Variants in ZAN observed in about 807,000 individuals in gnomAD.
ZAN encodes the protein zonadhesin (gene/pseudogene).
In ZAN, 260 loss-of-function variants were observed where a neutral mutation model predicts 286.2. The ratio of observed to expected loss-of-function variants is 0.91; its 90% CI spans 0.82 to 1.01. The LOEUF is 1.01. Among genes scored for constraint, ZAN ranks in the 50% least tolerant of loss-of-function variants. ZAN has a pLI of 0.00. For synonymous variants in ZAN, 1,368 were observed against 1,417.5 expected (o/e 0.97, Z 0.79); for missense variants, 3,410 against 3,639.2 (o/e 0.94, Z 1.62).
At chr7:100,740,653 A>C (rs1807670866) in intron 7 of ZAN, among the ~76,000 whole-genome samples, 1 of 12,142 alleles carries the variant, frequency 8.2e-5, no homozygotes, top group African/African-American at 4.6e-4. Flanking sequence ...AAGGCAGAGG[A>C]ATTTTTCTTA....
chr7:100,756,958 G>C lies in ZAN; in HGVS notation c.3310-1244G>C, dbSNP rs535341428. 2.0e-5 allele frequency among the ~76,000 whole-genome samples: 3 copies of C among 152,158 alleles called. No homozygotes were observed. The East Asian group carries it at 5.8e-4, about 29-fold the overall frequency. ...TAATTTTGTATTTTTGGTAGAGATG[G>C]GGTTTCTTCATGTTAGTAAGGCTGG... On this transcript the variant is annotated intron_variant, in intron 15 of 47. Coordinates refer to ENST00000613979, the MANE Select transcript of ZAN (RefSeq NM_003386.3).
In ZAN at chr7:100,791,176, C is replaced by A; in HGVS notation, c.7529+63C>A. ...CAACAATGTCTGTGCACGGTGGCCGCTAGCCCTCCTGTCCTCAGGAGAGGA... is the reference window on the plus strand; with the variant it reads ...CAACAATGTCTGTGCACGGTGGCCGATAGCCCTCCTGTCCTCAGGAGAGGA... On this transcript the variant is annotated intron_variant, in intron 40 of 47. Coordinates refer to ENST00000613979, the MANE Select transcript of ZAN (RefSeq NM_003386.3). The A allele has an allele frequency of 4.5e-6, 7 of 1,548,354 alleles. 1 individual carries two copies. The highest frequency in any genetic ancestry group is 2.4e-5 in the South Asian group (2 of 84,348).
intron 35 of ZAN, among the ~76,000 whole-genome samples, chr7:100,781,842 A>G (rs1338849474): frequency 6.6e-6 from 1 of 151,556 alleles, no homozygotes; most frequent in Non-Finnish European, 1.5e-5. Context: ...GTTTCACCAT[A>G]TTGGCCAGGC....
chr7:100,749,501 A>C (rs191882269), intron 11 of ZAN, among the ~76,000 whole-genome samples: 8 of 141,132 alleles, frequency 5.7e-5, no homozygotes, highest in Non-Finnish European at 1.1e-4. Context: ...TTAGCCAGGC[A>C]TGGTGGTGGG....
In ZAN at chr7:100,773,856, C is replaced by T. The variant is rs544274988; in HGVS notation, c.5770C>T (p.Arg1924Trp). ...CWALDGLLHC[R>W]ASGVGVCQLP... The stretch of plus-strand genomic sequence containing the variant: ...GGCCCTGGATGGGCTGCTCCATTGT[C>T]GGGCCTCAGGTAGGAGGACCACGGT... The change falls in exon 31 of 48, where the codon CGG becomes TGG. Residue 1924 changes from arginine to tryptophan, a missense_variant. By Grantham distance (101) the Arg-to-Trp change is moderately radical. Transcript: ENST00000613979. 6.3e-5 allele frequency: 88 copies of T among 1,386,172 alleles called. No homozygotes were observed. Among genetic ancestry groups the T allele is most frequent in the African/African-American group, 2.1e-4 (15 of 69,796 alleles). The allele number at this position is 1,386,172 out of a possible 1,614,324, so 85.9% of individuals were successfully genotyped here.
At chr7:100,786,628 C>T (rs1011035467) in intron 37 of ZAN, among the ~76,000 whole-genome samples, 8 of 152,148 alleles carry the variant, frequency 5.3e-5, no homozygotes, top group African/African-American at 1.9e-4. Flanking sequence ...CCAAGATGGG[C>T]TTGAACTCAT....
At position 100,766,643 on chromosome 7, in the gene ZAN, G is replaced by C. The variant is rs763473491; in HGVS notation, c.4589G>C (p.Gly1530Ala). 1 of 1,566,958 alleles carries C rather than the reference G, an allele frequency of 6.4e-7. No homozygotes were observed. Among genetic ancestry groups the C allele is most frequent in the African/African-American group, 1.4e-5 (1 of 73,790 alleles). The change falls in exon 24 of 48, where the codon GGT (glycine) becomes GCT (alanine). Residue 1530 changes from glycine to alanine, a missense_variant. Coordinates refer to ENST00000613979, the MANE Select transcript of ZAN (RefSeq NM_003386.3). ...RAQEFCGQQD[G>A]IYGCHAQGAA... ...CAGGAGTTCTGTGGCCAACAGGATG[G>C]TATCTATGGCTGCCATGCCCAAGGT...
chr7:100,737,245 C>A lies in ZAN; in HGVS notation c.526-17C>A. Reference sequence around the variant, plus strand: ...CTGAGGGGCTCATGGGGTTGGGGTCCCCTTATCCTCTTGCAGCTGATGTTT... The same window carrying A: ...CTGAGGGGCTCATGGGGTTGGGGTCACCTTATCCTCTTGCAGCTGATGTTT... On this transcript the variant is annotated splice_polypyrimidine_tract_variant and intron_variant, in intron 5 of 47. Transcript: ENST00000613979. The A allele has an allele frequency of 6.8e-7, 1 of 1,463,106 alleles. No individual in the cohort carries two copies. The highest frequency in any genetic ancestry group is 9.3e-7 in the Non-Finnish European group (1 of 1,072,238). 90.6% of individuals were successfully genotyped at this position (1,463,106 alleles called of 1,614,324 possible).
At chr7:100,738,868 T>C (rs1807497778) in intron 7 of ZAN, among the ~76,000 whole-genome samples, 1 of 23,876 alleles carries the variant, frequency 4.2e-5, no homozygotes, top group African/African-American at 1.3e-4. Flanking sequence ...CTCTTCCTCT[T>C]CTTCTTCTCC....
intron 39 of ZAN, among the ~76,000 whole-genome samples, chr7:100,790,497 G>A (rs1252205145): frequency 1.3e-5 from 2 of 150,868 alleles, no homozygotes; most frequent in African/African-American, 2.4e-5. Context: ...GGGAGGCGGA[G>A]CTTGCAGTGA....
intron 27 of ZAN, among the ~76,000 whole-genome samples, chr7:100,769,417 T>C (rs1810225964): frequency 6.6e-6 from 1 of 152,104 alleles, no homozygotes; most frequent in African/African-American, 2.4e-5. Context: ...TGCTTCGGTT[T>C]GGGAGATGGT....
rs1416595059 is a variant in ZAN at position 100,750,743 on chromosome 7, G to C, written c.1368G>C (p.Met456Ile). The C allele has an allele frequency of 6.2e-7, 1 of 1,613,206 alleles. No homozygotes were observed. The highest frequency in any genetic ancestry group is 8.5e-7 in the Non-Finnish European group (1 of 1,179,640). ...GDICVEFAYH[M>I]YGLGEGTMLE... ...TCTGCGTGGAGTTCGCATACCACAT[G>C]TATGGCCTTGGGGAGGGTACTATGC... The change falls in exon 12 of 48, where the codon ATG becomes ATC. Residue 456 changes from methionine (M) to isoleucine (I), a missense_variant. By Grantham distance (10) the Met-to-Ile change is conservative. Coordinates refer to ENST00000613979, the MANE Select transcript of ZAN (RefSeq NM_003386.3).
At chr7:100,765,202 C>A (rs1186903845) in intron 22 of ZAN, 150 bp from the exon 23 acceptor site, 5 of 911,074 alleles carry the variant, frequency 5.5e-6, no homozygotes, top group East Asian at 2.6e-5. Flanking sequence ...GCCAGCCAGG[C>A]TCCTTGGGGA....
intron 11 of ZAN, 86 bp from the exon 12 acceptor site, chr7:100,750,539 C>T (rs1165874562): frequency 8.1e-6 from 12 of 1,474,542 alleles, no homozygotes; most frequent in African/African-American, 7.0e-5. Context: ...CTCAGATTCC[C>T]GTTCAGAAAG....
Position 100,795,220 on chromosome 7 carries a change from G to T in ZAN, c.8150G>T (p.Cys2717Phe), listed in dbSNP as rs1455400444. The stretch of plus-strand genomic sequence containing the variant: ...GAAAGCCCGTGTCTGCAGAACCCCT[G>T]TCAGAATGACGGGCAGTGTCGGGAG... ...FPESPCLQNPCQNDGQCREQG... is the reference protein window; with the variant it reads ...FPESPCLQNPFQNDGQCREQG... The change falls in exon 45 of 48, where the codon TGT becomes TTT. Residue 2717 changes from cysteine (C) to phenylalanine (F), a missense_variant. By Grantham distance (205) the Cys-to-Phe change is radical. This residue lies in a region of ZAN where 1,289 missense variants were observed against 1,314.3 expected (regional missense o/e 0.98). Coordinates refer to ENST00000613979, the MANE Select transcript of ZAN (RefSeq NM_003386.3). 6.2e-7 allele frequency: 1 copy of T among 1,610,994 alleles called. No homozygotes were observed. Among genetic ancestry groups the T allele is most frequent in the Non-Finnish European group, 8.5e-7 (1 of 1,178,682 alleles).
At chr7:100,762,514 C>T (rs1213840603) in intron 20 of ZAN, among the ~76,000 whole-genome samples, 156 bp downstream of exon 20, 3 of 150,768 alleles carry the variant, frequency 2.0e-5, no homozygotes, top group East Asian at 3.9e-4. Context: ...CAACCTCCGC[C>T]TCCCAGGCTC....
intron 38 of ZAN, 106 bp downstream of exon 38, chr7:100,788,242 G>A (rs1811705495): frequency 7.2e-7 from 1 of 1,384,836 alleles, no homozygotes; most frequent in East Asian, 2.5e-5. Context: ...TTTGTGGCAG[G>A]GGTGGGCTGG....
chr7:100,759,881 T>A, intron 18 of ZAN, 36 bp downstream of exon 18: 1 of 1,599,270 alleles, frequency 6.3e-7, no homozygotes, highest in East Asian at 2.2e-5. Context: ...CCTTGCAGGG[T>A]CTGACTGTGT....
At position 100,779,669 on chromosome 7, in the gene ZAN, T is replaced by C. The variant is rs1811069401; in HGVS notation, c.6541T>C (p.Cys2181Arg). ...CEFGGLYQAL[C>R]QALQAFGATC... ...GTTCGGAGGTCTCTACCAGGCCCTC[T>C]GCCAGGCTCTGCAAGCCTTCGGGGC... Residue 2181 changes from cysteine to arginine, a missense_variant, in exon 35 of 48, where the codon TGC (cysteine) becomes CGC (arginine). By Grantham distance (180) the Cys-to-Arg change is radical. This residue lies in a region of ZAN where 1,289 missense variants were observed against 1,314.3 expected (regional missense o/e 0.98). Coordinates refer to ENST00000613979, the MANE Select transcript of ZAN (RefSeq NM_003386.3). 1.9e-6 allele frequency: 3 copies of C among 1,570,764 alleles called. No individual in the cohort carries two copies. In the South Asian group the frequency reaches 3.5e-5, roughly 18 times the overall value.
Sources: gnomAD v4.1 joint callset for allele counts (sites outside exome capture counted in the v4.1 genomes callset) on GRCh38, gnomAD v4.1.1 for gene constraint, gnomAD v4.1.1 regional missense constraint, MANE v1.5 for transcripts, NCBI Gene and HGNC (gene_info 2026-07-23, HGNC 2026-07-21) for gene names.